Variants in NAA15 observed in about 807,000 individuals in gnomAD.
NAA15 encodes the protein N-terminal acetyltransferase.
NAA15 carries 34 observed loss-of-function variants against 114.0 expected under a neutral mutation model. That is an observed-to-expected ratio of 0.30 (90% CI 0.23 to 0.40). The LOEUF (loss-of-function observed/expected upper bound fraction) is 0.40. NAA15 is among the 10% of genes least tolerant of loss of function. The probability of loss-of-function intolerance (pLI) is 1.00; values close to 1 mark genes in which losing one functional copy is unlikely to be tolerated. For synonymous variants in NAA15, 340 were observed against 338.0 expected (o/e 1.01, Z -0.06); for missense variants, 658 against 1,004.5 (o/e 0.66, Z 4.66).
At chr4:139,351,740 A>C (rs1262373984) in intron 9 of NAA15, 129 bp downstream of exon 9, 1 of 509,304 alleles carries the variant, frequency 2.0e-6, no homozygotes, top group African/African-American at 1.9e-5. Flanking sequence ...CCCAGTTTGC[A>C]GTTTAAATGC....
intron 1 of NAA15, among the ~76,000 whole-genome samples, chr4:139,303,916 T>G (rs1033395634): frequency 7.9e-5 from 12 of 152,236 alleles, no homozygotes; most frequent in African/African-American, 2.9e-4. Flanking sequence ...GTGTTAGCAC[T>G]TTTTTTTGTT....
chr4:139,361,955 C>G lies in NAA15; in HGVS notation c.1753+18C>G, dbSNP rs755841836. The G allele has an allele frequency of 5.8e-6, 9 of 1,558,526 alleles. No homozygotes were observed. In the Admixed American group the frequency reaches 6.7e-5, roughly 12 times the overall value. On this transcript the variant is annotated intron_variant, in intron 14 of 19. Transcript: ENST00000296543. ...TGATACAGGTATAATATTCAGAGTTCTTCTTGTGCTCTGATGTGTTTATGT... is the reference window on the plus strand; with the variant it reads ...TGATACAGGTATAATATTCAGAGTTGTTCTTGTGCTCTGATGTGTTTATGT...
chr4:139,368,496 A>G (rs927069052), intron 14 of NAA15, among the ~76,000 whole-genome samples: 17 of 152,158 alleles, frequency 1.1e-4, no homozygotes, highest in African/African-American at 3.6e-4. Context: ...ATGATGGCTT[A>G]CTCTCATGGC....
rs1237793226 is a variant in NAA15, at chr4:139,351,525, T to C, written c.928T>C (p.Leu310=). 6.2e-7 allele frequency: 1 copy of C among 1,600,456 alleles called. No individual in the cohort carries two copies. The highest frequency in any genetic ancestry group is 1.1e-5 in the South Asian group (1 of 90,642). Residue 310 remains leucine (L), a synonymous_variant, in exon 9 of 20, where the codon TTG becomes CTG. Transcript: ENST00000296543. ...CCAAGGTGAGAAGTTTAAAGAATGT[T>C]TGGATAAGTTCCTAAGGATGAATTT... The part of the protein sequence containing the change: ...FLSGEKFKEC[L]DKFLRMNFSK...
intron 1 of NAA15, among the ~76,000 whole-genome samples, chr4:139,305,693 C>G (rs1252272053): frequency 6.6e-6 from 1 of 152,008 alleles, no homozygotes; most frequent in Non-Finnish European, 1.5e-5. Flanking sequence ...TGCCACCACA[C>G]CTAGCTAATT....
intron 1 of NAA15, among the ~76,000 whole-genome samples, chr4:139,331,617 A>ATTTTTT (rs34467609): frequency 3.1e-5 from 4 of 127,864 alleles, no homozygotes; most frequent in Non-Finnish European, 3.3e-5. Context: ...TGCCCGGCTA[A>ATTTTTT]TTTTTTTTTT....
intron 17 of NAA15, among the ~76,000 whole-genome samples, chr4:139,381,214 G>A (rs1320910815): frequency 6.6e-6 from 1 of 152,046 alleles, no homozygotes; most frequent in Non-Finnish European, 1.5e-5. Context: ...TTATTATGAG[G>A]ATGATATATT....
chr4:139,355,786 G>A (rs1431995616), intron 10 of NAA15, among the ~76,000 whole-genome samples: 1 of 152,156 alleles, frequency 6.6e-6, no homozygotes, highest in African/African-American at 2.4e-5. Flanking sequence ...ACAGAGGAGT[G>A]AGTGAGATTC....
At chr4:139,378,650 G>C (rs1748656997) in intron 16 of NAA15, 106 bp from the exon 17 acceptor site, 1 of 568,916 alleles carries the variant, frequency 1.8e-6, no homozygotes, top group Non-Finnish European at 3.0e-6. Context: ...TTGTGGTTCT[G>C]ATGTGATCGA....
chr4:139,331,704 A>T (rs1282861094), intron 1 of NAA15, among the ~76,000 whole-genome samples: 3 of 149,806 alleles, frequency 2.0e-5, no homozygotes, highest in Non-Finnish European at 4.4e-5. Flanking sequence ...ACCTTAAGTG[A>T]TCCGCTCACC....
intron 19 of NAA15, among the ~76,000 whole-genome samples, chr4:139,386,966 T>C (rs1442008299): frequency 6.6e-6 from 1 of 152,226 alleles, no homozygotes; most frequent in Non-Finnish European, 1.5e-5. Context: ...AAGGGATAGC[T>C]ACCTCATGTT....
At chr4:139,349,377 A>G (rs1021039128) in intron 6 of NAA15, 85 bp from the exon 7 acceptor site, 5 of 1,251,920 alleles carry the variant, frequency 4.0e-6, no homozygotes, top group Non-Finnish European at 5.5e-6. Context: ...ATGAGATTTT[A>G]AGAGAAATTT....
chr4:139,347,828 C>G (rs1206926259), intron 6 of NAA15, among the ~76,000 whole-genome samples: 1 of 150,330 alleles, frequency 6.7e-6, no homozygotes, highest in African/African-American at 2.5e-5. Context: ...GTCAGGAGAT[C>G]GAGACCATCC....
intron 2 of NAA15, among the ~76,000 whole-genome samples, chr4:139,335,573 C>T (rs1237782884): frequency 6.6e-6 from 1 of 151,910 alleles, no homozygotes; most frequent in Non-Finnish European, 1.5e-5. Context: ...ACCATGTTGG[C>T]CAGGCTGGTC....
At chr4:139,383,837 C>T (rs958322858) in intron 17 of NAA15, among the ~76,000 whole-genome samples, 1 of 152,200 alleles carries the variant, frequency 6.6e-6, no homozygotes, top group Non-Finnish European at 1.5e-5. Flanking sequence ...GCTCAATTTA[C>T]ATAGTTTCTG....
At chr4:139,358,598 C>T (rs889332788) in intron 11 of NAA15, among the ~76,000 whole-genome samples, 6 of 151,892 alleles carry the variant, frequency 4.0e-5, no homozygotes, top group African/African-American at 9.7e-5. Flanking sequence ...ATGTGCACAA[C>T]GTGCAGGTTT....
intron 18 of NAA15, 81 bp from the exon 19 acceptor site, chr4:139,386,052 T>C: frequency 1.4e-6 from 1 of 708,218 alleles, no homozygotes; most frequent in Non-Finnish European, 2.4e-6. Context: ...ATATATCTTG[T>C]TTGCCTTTTA....
chr4:139,315,001 T>TCAGG lies in NAA15; in HGVS notation c.54+13170_54+13171insCAGG, dbSNP rs1553992509. On this transcript the variant is annotated intron_variant, in intron 1 of 19. Transcript: ENST00000296543. ...TAGAGAAGCGTTCAGTTCAGTTCAG[T>TCAGG]TTAGTTTAGGTTAGGTTAGGTTAGG... 8.1e-5 allele frequency among the ~76,000 whole-genome samples: 6 copies of TCAGG among 74,382 alleles called. 1 individual carries two copies. Among genetic ancestry groups the TCAGG allele is most frequent in the Admixed American group, 3.1e-4 (2 of 6,502 alleles). 48.8% of individuals were successfully genotyped at this position (74,382 alleles called of 152,430 possible).
chr4:139,317,549 A>C (rs764555900), intron 1 of NAA15, among the ~76,000 whole-genome samples: 6 of 152,156 alleles, frequency 3.9e-5, no homozygotes, highest in Non-Finnish European at 7.3e-5. Context: ...TGAACCCGGG[A>C]GGCGGAGGTT....
Sources: allele counts gnomAD v4.1 joint callset (sites outside exome capture counted in the v4.1 genomes callset), GRCh38; gene constraint gnomAD v4.1.1; transcripts MANE v1.5; gene names NCBI Gene and HGNC (gene_info 2026-07-23, HGNC 2026-07-21).